Variants in RANBP10 observed in about 807,000 individuals in gnomAD.
The protein encoded by RANBP10 is ran-binding protein 10.
In RANBP10, 24 loss-of-function variants were observed where a neutral mutation model predicts 72.8. The observed-to-expected ratio is 0.33, with a 90% CI of 0.24 to 0.46. The LOEUF is 0.46. Among genes scored for constraint, RANBP10 ranks in the 20% least tolerant of loss-of-function variants. RANBP10 has a pLI of 1.00. For missense variants in RANBP10, 679 were observed against 817.5 expected (o/e 0.83, Z 2.07); for synonymous variants, 310 against 322.3 (o/e 0.96, Z 0.41).
chr16:67,770,427 A>T (rs1024679461), intron 3 of RANBP10, among the ~76,000 whole-genome samples: 7 of 152,000 alleles, frequency 4.6e-5, no homozygotes, highest in Non-Finnish European at 1.0e-4. Flanking sequence ...AAGTATTAGA[A>T]ATCAGTCTAC....
At chr16:67,750,689 A>G (rs1445027431) in intron 3 of RANBP10, among the ~76,000 whole-genome samples, 3 of 151,836 alleles carry the variant, frequency 2.0e-5, no homozygotes, top group African/African-American at 7.3e-5. Flanking sequence ...ATCCTGTATG[A>G]CAGATTTTTA....
intron 4 of RANBP10, among the ~76,000 whole-genome samples, chr16:67,743,205 C>G (rs2054002447): frequency 6.6e-6 from 1 of 152,230 alleles, no homozygotes; most frequent in South Asian, 2.1e-4. Context: ...CACCTTTTTA[C>G]TGACCCTCAA....
intron 2 of RANBP10, among the ~76,000 whole-genome samples, chr16:67,788,486 T>C (rs2054959753): frequency 6.6e-6 from 1 of 151,518 alleles, no homozygotes; most frequent in Non-Finnish European, 1.5e-5. Flanking sequence ...CTCGATCTCC[T>C]GACCTCGTGA....
chr16:67,802,468 T>A (rs2055253803), intron 2 of RANBP10, among the ~76,000 whole-genome samples: 1 of 152,098 alleles, frequency 6.6e-6, no homozygotes, highest in African/African-American at 2.4e-5. Flanking sequence ...CGAAACCCCA[T>A]CTCTACTAAA....
chr16:67,783,573 A>G (rs1323107691), intron 2 of RANBP10, among the ~76,000 whole-genome samples: 1 of 152,172 alleles, frequency 6.6e-6, no homozygotes, highest in Non-Finnish European at 1.5e-5. Context: ...TTCAACCCAC[A>G]TATCAGGTTC....
intron 2 of RANBP10, among the ~76,000 whole-genome samples, chr16:67,789,707 G>A (rs2054988042): frequency 6.6e-6 from 1 of 151,656 alleles, no homozygotes; most frequent in Non-Finnish European, 1.5e-5. Context: ...ATGACCTCAG[G>A]TGATCCACCC....
intron 2 of RANBP10, among the ~76,000 whole-genome samples, chr16:67,792,286 G>C (rs2055042874): frequency 6.6e-6 from 1 of 152,010 alleles, no homozygotes; most frequent in Non-Finnish European, 1.5e-5. Flanking sequence ...CAGGCACCGT[G>C]GCTCACGCCT....
chr16:67,765,550 G>C (rs1477663413), intron 3 of RANBP10, among the ~76,000 whole-genome samples: 1 of 151,764 alleles, frequency 6.6e-6, no homozygotes, highest in Admixed American at 6.6e-5. Flanking sequence ...AAATAAATTA[G>C]TCGGGGCTGG....
intron 3 of RANBP10, among the ~76,000 whole-genome samples, chr16:67,749,678 G>A (rs2054158063): frequency 6.6e-6 from 1 of 152,122 alleles, no homozygotes; most frequent in South Asian, 2.1e-4. Flanking sequence ...AGCTCTTTTG[G>A]GACAGAACAA....
At chr16:67,804,084 G>A (rs2055287012) in intron 2 of RANBP10, among the ~76,000 whole-genome samples, 2 of 151,976 alleles carry the variant, frequency 1.3e-5, no homozygotes, top group African/African-American at 4.8e-5. Context: ...TAGTCCCTTG[G>A]CCAAGCATTT....
At chr16:67,805,880 AC>A (rs1025978296) in intron 1 of RANBP10, among the ~76,000 whole-genome samples, 1 of 152,020 alleles carries the variant, frequency 6.6e-6, no homozygotes, top group African/African-American at 2.4e-5. Context: ...CCTGGAAGAC[AC>A]CCCCCAAACT....
intron 2 of RANBP10, among the ~76,000 whole-genome samples, chr16:67,800,740 C>T (rs1230634282): frequency 6.6e-6 from 1 of 152,152 alleles, no homozygotes; most frequent in Non-Finnish European, 1.5e-5. Flanking sequence ...AACACAGCCC[C>T]TCCTACTCCA....
Position 67,726,383 on chromosome 16 carries a change from C to T in RANBP10, c.*45G>A, listed in dbSNP as rs761691488. 6.2e-7 allele frequency: 1 copy of T among 1,608,872 alleles called. No homozygotes were observed. On this transcript the variant is annotated 3_prime_UTR_variant, in exon 14 of 14. Coordinates refer to ENST00000317506, the MANE Select transcript of RANBP10 (RefSeq NM_020850.3). ...CTATGGAGGGCAGGGCAGCTCCAGC[C>T]CTGGGGCCAGTGGAGGGCCAGCCAG...
intron 2 of RANBP10, among the ~76,000 whole-genome samples, chr16:67,790,110 AAAG>A (rs931797390): frequency 1.1e-4 from 16 of 151,720 alleles, no homozygotes; most frequent in South Asian, 8.3e-4. Flanking sequence ...TAAAAAAAAA[AAAG>A]AAGAAGAAGA....
chr16:67,767,690 A>G (rs951227899), intron 3 of RANBP10, among the ~76,000 whole-genome samples: 22 of 151,534 alleles, frequency 1.5e-4, no homozygotes, highest in African/African-American at 5.3e-4. Flanking sequence ...TCTGTCTCCC[A>G]GGTTCACGCC....
chr16:67,772,143 T>A (rs1484208518), intron 2 of RANBP10, 57 bp from the exon 3 acceptor site: 29 of 1,543,018 alleles, frequency 1.9e-5, no homozygotes, highest in Non-Finnish European at 2.5e-5. Context: ...TGCTCATGCG[T>A]CTCCCTTCTC....
At chr16:67,742,099 CG>C (rs945288679) in intron 4 of RANBP10, among the ~76,000 whole-genome samples, 3 of 149,232 alleles carry the variant, frequency 2.0e-5, no homozygotes, top group African/African-American at 7.4e-5. Flanking sequence ...AATATAGGGA[CG>C]GGGTCTCGCC....
At chr16:67,735,164 G>A (rs542031507) in intron 5 of RANBP10, 122 bp from the exon 6 acceptor site, 2 of 987,934 alleles carry the variant, frequency 2.0e-6, no homozygotes, top group South Asian at 1.7e-5. Context: ...AAGGCTGGAG[G>A]AGGCAGGGCG....
At chr16:67,794,529 T>C (rs2055090392) in intron 2 of RANBP10, among the ~76,000 whole-genome samples, 1 of 149,040 alleles carries the variant, frequency 6.7e-6, no homozygotes, top group African/African-American at 2.5e-5. Flanking sequence ...TATTCTTTTT[T>C]TTTTTTTTTT....
Sources: gnomAD v4.1 joint callset for allele counts (sites outside exome capture counted in the v4.1 genomes callset) on GRCh38, gnomAD v4.1.1 for gene constraint, MANE v1.5 for transcripts, NCBI Gene and HGNC (gene_info 2026-07-23, HGNC 2026-07-21) for gene names.